PUDP: variants seen among roughly 807,000 people sequenced by gnomAD.
PUDP encodes pseudouridine 5'-phosphatase.
In PUDP, 8 loss-of-function variants were observed where a neutral mutation model predicts 9.4. That is an observed-to-expected ratio of 0.85 (90% confidence interval 0.50 to 1.53). PUDP has a LOEUF of 1.53. Ranked by LOEUF, PUDP falls within the 40% of genes most tolerant of loss-of-function variation. PUDP has a pLI of 0.00. For synonymous variants in PUDP, 99 were observed against 80.7 expected, an observed-to-expected ratio of 1.23 and a Z score of -1.22; for missense variants, 188 against 189.7, an observed-to-expected ratio of 0.99 and a Z score of 0.05.
At chrX:6,932,012 C>A (rs1282606715) in intron 3 of PUDP, among the ~76,000 whole-genome samples, 2 of 112,198 alleles carry the variant, frequency 1.8e-5, no homozygotes, top group African/African-American at 6.5e-5. Context: ...TCCCTTATCT[C>A]AGGAAATATC....
At chrX:6,898,534 T>C (rs991443081) in intron 3 of PUDP, among the ~76,000 whole-genome samples, 2 of 111,725 alleles carry the variant, frequency 1.8e-5, no homozygotes, top group African/African-American at 3.3e-5. Flanking sequence ...GGTTACTTTT[T>C]AAACAACTAA....
intron 3 of PUDP, among the ~76,000 whole-genome samples, chrX:6,863,942 A>G (rs1016740902): frequency 1.8e-5 from 2 of 111,496 alleles, no homozygotes; most frequent in African/African-American, 6.5e-5. Context: ...AGGTCCTACT[A>G]ACTTTTGTCT....
At chrX:6,886,612 T>C (rs1381699516) in intron 3 of PUDP, among the ~76,000 whole-genome samples, 2 of 111,491 alleles carry the variant, frequency 1.8e-5, no homozygotes, top group African/African-American at 6.5e-5. Flanking sequence ...TGTGCTGAGT[T>C]AATACAAGGA....
intron 1 of PUDP, among the ~76,000 whole-genome samples, chrX:7,009,104 A>G (rs1451411369): frequency 8.9e-5 from 10 of 112,614 alleles, no homozygotes; most frequent in Non-Finnish European, 1.9e-4. Context: ...GAAAAATGCA[A>G]TGTCAAAGAA....
At chrX:7,122,066 T>C (rs1280922413) in intron 1 of PUDP, among the ~76,000 whole-genome samples, 1 of 111,110 alleles carries the variant, frequency 9.0e-6, no homozygotes, top group African/African-American at 3.3e-5. Flanking sequence ...CATGTGCCTC[T>C]GGTCCCAGCT....
In PUDP at chrX:6,894,866, G is replaced by A. The variant is rs138364401; in HGVS notation, c.*247+82267C>T. Among the ~76,000 whole-genome samples, 1,042 of 111,752 alleles carry A rather than the reference G, an allele frequency of 9.3e-3. 15 individuals are homozygous for A. The highest frequency in any genetic ancestry group is 0.032 in the African/African-American group (986 of 30,796). On this transcript the variant is annotated intron_variant and NMD_transcript_variant, in intron 3 of 3. Transcript: ENST00000655425. Reference sequence around the variant, plus strand: ...TTTGTTTCTAAATCTATTTATGTGGGAAGTCTTGAGATAGCATACAAAATT... The same window carrying A: ...TTTGTTTCTAAATCTATTTATGTGGAAAGTCTTGAGATAGCATACAAAATT...
intron 1 of PUDP, among the ~76,000 whole-genome samples, chrX:6,979,276 T>C (rs1928999559): frequency 9.0e-6 from 1 of 111,012 alleles, no homozygotes; most frequent in South Asian, 3.8e-4. Context: ...TTTGTTTAGC[T>C]CCTCGAATTA....
At chrX:7,129,136 T>C (rs1932556815) in intron 1 of PUDP, among the ~76,000 whole-genome samples, 1 of 112,038 alleles carries the variant, frequency 8.9e-6, no homozygotes, top group African/African-American at 3.2e-5. Flanking sequence ...TGCAAGTATA[T>C]GGGAAAGAGG....
intron 1 of PUDP, among the ~76,000 whole-genome samples, chrX:7,036,981 T>C (rs1478174868): frequency 2.7e-5 from 3 of 112,249 alleles, no homozygotes; most frequent in Non-Finnish European, 5.6e-5. Context: ...TTGGCTGCGT[T>C]GTGGTATACA....
chrX:6,973,568 A>T (rs1266054172), intron 3 of PUDP, among the ~76,000 whole-genome samples: 3 of 112,045 alleles, frequency 2.7e-5, no homozygotes, highest in African/African-American at 9.7e-5. Flanking sequence ...CTGTGGTCTG[A>T]GAGACTGTTT....
chrX:6,961,797 T>C (rs1928712126), intron 3 of PUDP, among the ~76,000 whole-genome samples: 1 of 111,747 alleles, frequency 8.9e-6, no homozygotes, highest in Non-Finnish European at 1.9e-5. Context: ...AGAGCCTCAT[T>C]CTTGCACTGC....
intron 3 of PUDP, among the ~76,000 whole-genome samples, chrX:6,804,490 A>G (rs1232708414): frequency 8.9e-6 from 1 of 112,075 alleles, no homozygotes; most frequent in East Asian, 2.8e-4. Context: ...GTGAAAAAAA[A>G]TGTGCTTTGG....
chrX:6,719,453 C>G (rs758592835), intron 1 of PUDP, among the ~76,000 whole-genome samples: 4 of 112,256 alleles, frequency 3.6e-5, no homozygotes, highest in African/African-American at 1.3e-4. Flanking sequence ...TAAGCTATGC[C>G]TAGGGATTCC....
rs1173726922 is a variant in PUDP, at chrX:6,979,459, T to C, written c.205-1116A>G. Among the ~76,000 whole-genome samples, 5 of 112,025 alleles carry C rather than the reference T, an allele frequency of 4.5e-5. No individual in the cohort carries two copies. In the East Asian group the frequency reaches 1.4e-3, roughly 31 times the overall value. On this transcript the variant is annotated intron_variant and NMD_transcript_variant, in intron 1 of 3. Transcript: ENST00000655425. Reference sequence around the variant, plus strand: ...AAATCCTTGTAGATAAAAAATAAAATGAATAAGCTGCTCCCACTTTGGAAA... The same window carrying C: ...AAATCCTTGTAGATAAAAAATAAAACGAATAAGCTGCTCCCACTTTGGAAA...
chrX:6,804,448 T>C (rs969245368), intron 3 of PUDP, among the ~76,000 whole-genome samples: 1 of 111,925 alleles, frequency 8.9e-6, no homozygotes, highest in Non-Finnish European at 1.9e-5. Flanking sequence ...TCATCCTTTC[T>C]GACTCTCCAA....
chrX:7,011,998 G>A (rs1231889481), intron 1 of PUDP, among the ~76,000 whole-genome samples: 1 of 112,502 alleles, frequency 8.9e-6, no homozygotes, highest in Non-Finnish European at 1.9e-5. Flanking sequence ...AACTGTATCA[G>A]TTGGAGAATA....
Position 6,801,741 on chromosome X carries a change from A to T in PUDP, c.*248-95275T>A, listed in dbSNP as rs1292668982. ...GAATAATTCCCCATTGCTGCTTAAC[A>T]TGTGTCTCTTTGTAATTAATTTTAA... On this transcript the variant is annotated intron_variant and NMD_transcript_variant, in intron 3 of 3. Coordinates refer to the PUDP transcript ENST00000655425. Among the ~76,000 whole-genome samples, 6 of 111,870 alleles carry T rather than the reference A, an allele frequency of 5.4e-5. No homozygotes were observed. The East Asian group carries it at 1.7e-3, about 31-fold the overall frequency.
chrX:6,715,601 C>G (rs1241259821), intron 1 of PUDP, among the ~76,000 whole-genome samples: 1 of 112,129 alleles, frequency 8.9e-6, no homozygotes, highest in African/African-American at 3.2e-5. Flanking sequence ...TTTAAAAGGG[C>G]TAAACAAGCA....
At chrX:7,008,369 C>T (rs1929432210) in intron 1 of PUDP, among the ~76,000 whole-genome samples, 1 of 110,822 alleles carries the variant, frequency 9.0e-6, no homozygotes, top group African/African-American at 3.3e-5. Flanking sequence ...AGTGTTGGCA[C>T]AACTTAAATT....
Sources: gnomAD v4.1 joint callset for allele counts (sites outside exome capture counted in the v4.1 genomes callset) on GRCh38, gnomAD v4.1.1 for gene constraint, MANE v1.5 for transcripts, NCBI Gene and HGNC (gene_info 2026-07-23, HGNC 2026-07-21) for gene names.